SMARCA2: variants seen among roughly 807,000 people sequenced by gnomAD.
SMARCA2 encodes the protein SWI/SNF-related matrix-associated actin-dependent regulator of chromatin subfamily A member 2.
A neutral mutation model predicts 199.8 loss-of-function variants in SMARCA2; 61 were observed. The observed-to-expected ratio is 0.31, with a 90% CI of 0.25 to 0.38. The LOEUF (loss-of-function observed/expected upper bound fraction) is 0.38, where lower values mean the gene tolerates loss of function less well. Ranked by LOEUF, SMARCA2 falls within the 10% of genes least tolerant of loss-of-function variation. The pLI is 1.00. For synonymous variants in SMARCA2, 935 were observed against 732.0 expected, an observed-to-expected ratio of 1.28 and a Z score of -4.48; for missense variants, 1,344 against 2,012.2, an observed-to-expected ratio of 0.67 and a Z score of 6.35.
At chr9:2,027,737 C>A (rs773968680) in intron 1 of SMARCA2, 5 of 152,262 alleles carry the variant, frequency 3.3e-5, no homozygotes, top group African/African-American at 9.6e-5. Flanking sequence ...GGTGACTAGG[C>A]CACCACGGTC....
chr9:2,183,632 A>G (rs1420702455), intron 31 of SMARCA2, among the ~76,000 whole-genome samples: 3 of 152,048 alleles, frequency 2.0e-5, no homozygotes, highest in Admixed American at 6.6e-5. Flanking sequence ...TCAGTCATCA[A>G]ACAAAGGAAT....
chr9:2,150,847 C>A (rs1037824153), intron 27 of SMARCA2, among the ~76,000 whole-genome samples: 5 of 151,418 alleles, frequency 3.3e-5, no homozygotes, highest in African/African-American at 1.2e-4. Context: ...ATGGCTACCT[C>A]CTTGGTGTAT....
At chr9:2,093,046 C>T (rs183600322) in intron 19 of SMARCA2, among the ~76,000 whole-genome samples, 29 of 152,258 alleles carry the variant, frequency 1.9e-4, no homozygotes, top group African/African-American at 5.5e-4. Flanking sequence ...CTGCTCTGTA[C>T]GTTATACTGC....
intron 33 of SMARCA2, chr9:2,192,454 C>A: frequency 2.0e-6 from 1 of 493,836 alleles, no homozygotes. Flanking sequence ...CCTTTCAAGC[C>A]AAAGTGAAAG....
At chr9:2,148,110 T>C (rs922159846) in intron 27 of SMARCA2, among the ~76,000 whole-genome samples, 2 of 151,764 alleles carry the variant, frequency 1.3e-5, no homozygotes, top group African/African-American at 4.8e-5. Context: ...GCTGCTGTTT[T>C]TAAAGAAACT....
chr9:2,157,067 C>T (rs567299954), intron 27 of SMARCA2, among the ~76,000 whole-genome samples: 1 of 152,266 alleles, frequency 6.6e-6, no homozygotes, highest in East Asian at 1.9e-4. Context: ...ATTCTGCATC[C>T]AAAAGTGCTA....
chr9:2,136,520 T>C (rs996717814), intron 27 of SMARCA2, among the ~76,000 whole-genome samples: 5 of 152,200 alleles, frequency 3.3e-5, no homozygotes, highest in African/African-American at 1.2e-4. Context: ...ATAAATGTAC[T>C]GTGAGTACAT....
At position 2,032,959 on chromosome 9, in the gene SMARCA2, A is replaced by G. The variant is rs1473304430; in HGVS notation, c.233A>G (p.Asp78Gly). 7 of 1,613,710 alleles carry G rather than the reference A, an allele frequency of 4.3e-6. No homozygotes were observed. The highest frequency in any genetic ancestry group is 5.1e-6 in the Non-Finnish European group (6 of 1,179,822). ...GTCCTTTAAATGTTTCAGCCCATCG[A>G]TGGTATACATGACAAGGGGATTGTA... ...EGMHQMHKPI[D>G]GIHDKGIVED... The change falls in exon 3 of 34, where the codon GAT (aspartate) becomes GGT (glycine). Residue 78 changes from aspartate (D) to glycine (G), a missense_variant. Asp to Gly is a moderately conservative substitution (Grantham distance 94). Around this residue, in one of 18 missense-constraint regions of SMARCA2, gnomAD observed 275 missense variants for 247.5 expected, o/e 1.11. Transcript: ENST00000349721.
rs138237358 is a variant in SMARCA2, at chr9:2,055,277, A to G, written c.1173+554A>G. Among the ~76,000 whole-genome samples, 604 of 152,366 alleles carry G rather than the reference A, an allele frequency of 4.0e-3. 3 individuals carry two copies. The highest frequency in any genetic ancestry group is 0.013 in the African/African-American group (559 of 41,582). On this transcript the variant is annotated intron_variant, in intron 6 of 33. Coordinates refer to ENST00000349721, the MANE Select transcript of SMARCA2 (RefSeq NM_003070.5). ...CAGGCTCATGTATTGACTAATCAGT[A>G]AATTATCTGCTCTTGTAGTTTACAG...
chr9:2,074,399 C>T (rs1258290881), intron 12 of SMARCA2, among the ~76,000 whole-genome samples: 2 of 152,014 alleles, frequency 1.3e-5, no homozygotes, highest in Non-Finnish European at 2.9e-5. Context: ...GTATAGGTGC[C>T]GAGGACAAGG....
At chr9:2,059,252 A>G (rs753736491) in intron 8 of SMARCA2, among the ~76,000 whole-genome samples, 4 of 152,224 alleles carry the variant, frequency 2.6e-5, no homozygotes, top group Non-Finnish European at 5.9e-5. Context: ...AGATAAGGTC[A>G]TTAGTCTCAG....
chr9:2,091,408 T>C (rs191225446), intron 19 of SMARCA2, among the ~76,000 whole-genome samples: 44 of 152,306 alleles, frequency 2.9e-4, no homozygotes, highest in African/African-American at 1.1e-3. Flanking sequence ...TTTGGCAAAA[T>C]GTGTTTCAGA....
At position 2,170,307 on chromosome 9, in the gene SMARCA2, G is replaced by C. The variant is rs1467870031; in HGVS notation, c.4200-112G>C. On this transcript the variant is annotated intron_variant, in intron 28 of 33. Transcript: ENST00000349721. The surrounding 1 kb of genome is among the most constrained non-coding windows in gnomAD (Gnocchi z 4.7). ...CCCGTGTAATCTTCCTAACAAGGCA[G>C]GTTGGTGAGGAGACTGAGGCTTGGC... 1 of 1,336,704 alleles carries C rather than the reference G, an allele frequency of 7.5e-7. No individual in the cohort carries two copies. The highest frequency in any genetic ancestry group is 1.0e-6 in the Non-Finnish European group (1 of 960,538). The allele number at this position is 1,336,704 out of a possible 1,614,324, so 82.8% of individuals were successfully genotyped here.
rs375219654 is a variant in SMARCA2 at position 2,086,803 on chromosome 9, C to T, written c.2527-26C>T. 1.2e-5 allele frequency: 19 copies of T among 1,613,182 alleles called. No individual in the cohort carries two copies. Among genetic ancestry groups the T allele is most frequent in the Middle Eastern group, 1.7e-4 (1 of 6,020 alleles). On this transcript the variant is annotated intron_variant, in intron 17 of 33. Transcript: ENST00000349721. This position sits in a 1 kb window ranked among gnomAD's most constrained non-coding sequence, Gnocchi z 4.3. The stretch of plus-strand genomic sequence containing the variant: ...GTTGTATTTTCCCTTGCTTACTACA[C>T]GTCCGTCCTTCCTCTTGTGTTATAG...
chr9:2,142,314 A>G (rs1329549489), intron 27 of SMARCA2, among the ~76,000 whole-genome samples: 1 of 152,242 alleles, frequency 6.6e-6, no homozygotes, highest in African/African-American at 2.4e-5. Flanking sequence ...TTGGCTTAAT[A>G]GAAAGGGTAG....
chr9:2,119,652 T>A lies in SMARCA2; in HGVS notation c.3762+117T>A. ...AACTTCATACGTAAAGCCTATGCCT[T>A]TCCTTCAGTTCAGAGGCTGCAAACT... On this transcript the variant is annotated intron_variant, in intron 26 of 33. Coordinates refer to ENST00000349721, the MANE Select transcript of SMARCA2 (RefSeq NM_003070.5). The surrounding 1 kb of genome is among the most constrained non-coding windows in gnomAD (Gnocchi z 4.6). 1 of 681,966 alleles carries A rather than the reference T, an allele frequency of 1.5e-6. No homozygotes were observed. Among genetic ancestry groups the A allele is most frequent in the Non-Finnish European group, 2.6e-6 (1 of 384,686 alleles). 42.2% of individuals were successfully genotyped at this position (681,966 alleles called of 1,614,324 possible).
intron 28 of SMARCA2, among the ~76,000 whole-genome samples, chr9:2,163,360 A>G (rs1401917673): frequency 6.6e-6 from 1 of 152,216 alleles, no homozygotes; most frequent in African/African-American, 2.4e-5. Flanking sequence ...GTTTGGACCA[A>G]CGGTTCATTA....
At chr9:2,127,211 G>T (rs1047305734) in intron 27 of SMARCA2, among the ~76,000 whole-genome samples, 2 of 152,116 alleles carry the variant, frequency 1.3e-5, no homozygotes, top group African/African-American at 4.8e-5. Context: ...CTCGGTAGTT[G>T]CCAACCTGCC....
chr9:2,172,597 G>C (rs1826315364), intron 29 of SMARCA2, among the ~76,000 whole-genome samples: 1 of 152,146 alleles, frequency 6.6e-6, no homozygotes, highest in Non-Finnish European at 1.5e-5. Flanking sequence ...AGAAGCCTGA[G>C]AACAGATCCC....
Sources: gnomAD v4.1 joint callset for allele counts (sites outside exome capture counted in the v4.1 genomes callset) on GRCh38, gnomAD v4.1.1 for gene constraint, gnomAD v4.1.1 regional missense constraint, Gnocchi (gnomAD v3.1) non-coding constraint, MANE v1.5 for transcripts, NCBI Gene and HGNC (gene_info 2026-07-23, HGNC 2026-07-21) for gene names.